The following HSD17B12 variants were observed in gnomAD, a reference collection of about 807,000 sequenced individuals.
The protein encoded by HSD17B12 is hydroxysteroid 17-beta dehydrogenase 12, also known as very-long-chain 3-oxoacyl-CoA reductase.
Under a neutral mutation model 39.3 loss-of-function variants are expected in HSD17B12, and 32 were observed. That is an observed-to-expected ratio of 0.81 (90% CI 0.61 to 1.09). The LOEUF (loss-of-function observed/expected upper bound fraction) is 1.09. Among genes scored for constraint, HSD17B12 ranks in the 50% least tolerant of loss-of-function variants. The pLI is 0.00. For synonymous variants in HSD17B12, 150 were observed against 146.7 expected, an observed-to-expected ratio of 1.02 and a Z score of -0.16; for missense variants, 342 against 382.9, an observed-to-expected ratio of 0.89 and a Z score of 0.89.
chr11:43,605,371 G>C, the HSD17B12 span, among the ~76,000 whole-genome samples: 4 of 152,050 alleles, frequency 2.6e-5, no homozygotes, highest in African/African-American at 4.8e-5. Context: ...AGATCAGCCT[G>C]ACCAACATGG....
the HSD17B12 span, among the ~76,000 whole-genome samples, chr11:43,651,645 A>C: frequency 1.3e-5 from 2 of 152,294 alleles, no homozygotes; most frequent in South Asian, 4.1e-4. Context: ...CGGTGGTGCA[A>C]TCTCGGCTCC....
chr11:43,566,192 A>G, the HSD17B12 span, among the ~76,000 whole-genome samples: 1 of 152,242 alleles, frequency 6.6e-6, no homozygotes, highest in African/African-American at 2.4e-5. Context: ...TGATGTATAC[A>G]TACCTCTTTG....
At chr11:43,840,811 T>A (rs1182496272) in intron 9 of HSD17B12, among the ~76,000 whole-genome samples, 3 of 152,234 alleles carry the variant, frequency 2.0e-5, no homozygotes, top group Admixed American at 2.0e-4. Context: ...TGTTGGGTAT[T>A]GTAAATAATG....
the HSD17B12 span, among the ~76,000 whole-genome samples, chr11:43,657,770 A>C: frequency 2.0e-5 from 3 of 152,196 alleles, no homozygotes; most frequent in Non-Finnish European, 2.9e-5. Flanking sequence ...CTGAGAGATC[A>C]GCTGTTAGTC....
chr11:43,574,239 A>G, the HSD17B12 span, among the ~76,000 whole-genome samples: 1 of 152,218 alleles, frequency 6.6e-6, no homozygotes, highest in Non-Finnish European at 1.5e-5. Context: ...AAGGGAGATG[A>G]CACAGCTGAG....
intron 1 of HSD17B12, among the ~76,000 whole-genome samples, chr11:43,703,489 C>T (rs1019177650): frequency 9.2e-5 from 14 of 152,184 alleles, no homozygotes; most frequent in Non-Finnish European, 1.8e-4. Context: ...CCACCGCGCC[C>T]GGCCAAACTT....
chr11:43,652,763 A>G, the HSD17B12 span, among the ~76,000 whole-genome samples: 17 of 152,262 alleles, frequency 1.1e-4, no homozygotes, highest in South Asian at 2.1e-3. Flanking sequence ...CCCTCCAGGA[A>G]ACTTCACATG....
chr11:43,619,182 A>T, the HSD17B12 span, among the ~76,000 whole-genome samples: 93 of 50,544 alleles, frequency 1.8e-3, 1 homozygote, highest in Non-Finnish European at 2.4e-3. Context: ...TATATATATA[A>T]AATATATATA....
chr11:43,579,129 A>C, the HSD17B12 span: 1 of 146,998 alleles, frequency 6.8e-6, no homozygotes, highest in Admixed American at 6.7e-5. Context: ...AGACCTATCC[A>C]ATGAAAACCG....
intron 1 of HSD17B12, among the ~76,000 whole-genome samples, chr11:43,726,548 G>A (rs1474490929): frequency 6.6e-6 from 1 of 152,292 alleles, no homozygotes; most frequent in Non-Finnish European, 1.5e-5. Flanking sequence ...CCAATGCTAA[G>A]CATCACACAT....
At chr11:43,655,835 A>G in the HSD17B12 span, among the ~76,000 whole-genome samples, 2 of 152,274 alleles carry the variant, frequency 1.3e-5, no homozygotes, top group Admixed American at 6.5e-5. Context: ...TTTTGCATCA[A>G]TGTTCATCAG....
chr11:43,812,509 A>G (rs1951082778), intron 4 of HSD17B12, among the ~76,000 whole-genome samples: 3 of 152,130 alleles, frequency 2.0e-5, no homozygotes, highest in African/African-American at 7.2e-5. Context: ...GGCCATTTGT[A>G]TGTCTTCTTT....
intron 1 of HSD17B12, among the ~76,000 whole-genome samples, chr11:43,703,785 T>G (rs925648914): frequency 5.3e-5 from 8 of 152,164 alleles, no homozygotes; most frequent in Non-Finnish European, 1.0e-4. Flanking sequence ...ATTTTTTATT[T>G]GTATCTTTCT....
chr11:43,690,387 TATATA>T (rs1212809984), intron 1 of HSD17B12, among the ~76,000 whole-genome samples: 223 of 19,282 alleles, frequency 0.012, 23 homozygotes, highest in East Asian at 0.035. Context: ...TATATATATA[TATATA>T]TATATATATA....
chr11:43,816,436 C>G, intron 6 of HSD17B12, 45 bp downstream of exon 6: 1 of 1,477,684 alleles, frequency 6.8e-7, no homozygotes, highest in African/African-American at 1.4e-5. Flanking sequence ...TTGGTTCCTT[C>G]TATTCAAAAA....
At chr11:43,808,199 A>G (rs1951037035) in intron 4 of HSD17B12, among the ~76,000 whole-genome samples, 1 of 152,158 alleles carries the variant, frequency 6.6e-6, no homozygotes, top group Non-Finnish European at 1.5e-5. Context: ...CTGGGCACAC[A>G]TGCCCTTCCT....
At chr11:43,836,231 A>G (rs1951369400) in intron 7 of HSD17B12, among the ~76,000 whole-genome samples, 1 of 152,162 alleles carries the variant, frequency 6.6e-6, no homozygotes, top group Non-Finnish European at 1.5e-5. Context: ...TTCTGCATCT[A>G]CTTCAAACTA....
chr11:43,829,175 T>C (rs181111923), intron 6 of HSD17B12, among the ~76,000 whole-genome samples: 252 of 152,302 alleles, frequency 1.7e-3, no homozygotes, highest in African/African-American at 5.9e-3. Context: ...GAAATTAACT[T>C]TTGCAGGGGA....
intron 3 of HSD17B12, among the ~76,000 whole-genome samples, chr11:43,790,556 T>A (rs777114225): frequency 6.6e-6 from 1 of 152,178 alleles, no homozygotes; most frequent in Non-Finnish European, 1.5e-5. Context: ...TCTGATCTGA[T>A]AACCAAGAGA....
Sources: gnomAD v4.1 joint callset for allele counts (sites outside exome capture counted in the v4.1 genomes callset) on GRCh38, gnomAD v4.1.1 for gene constraint, MANE v1.5 for transcripts, NCBI Gene and HGNC (gene_info 2026-07-23, HGNC 2026-07-21) for gene names.